Variants in PDE1A observed in about 807,000 individuals in gnomAD.
PDE1A encodes phosphodiesterase 1A.
In PDE1A, 35 loss-of-function variants were observed where a neutral mutation model predicts 61.7. The observed-to-expected ratio is 0.57, with a 90% CI of 0.43 to 0.75. The LOEUF is 0.75. Ranked by LOEUF, PDE1A falls within the 30% of genes least tolerant of loss-of-function variation. The probability of loss-of-function intolerance (pLI) is 0.00; values close to 1 mark genes in which losing one functional copy is unlikely to be tolerated. For missense variants in PDE1A, 597 were observed against 630.6 expected (o/e 0.95, Z 0.57); for synonymous variants, 232 against 213.2 (o/e 1.09, Z -0.77).
chr2:182,220,633 G>A (rs558861657), intron 7 of PDE1A, among the ~76,000 whole-genome samples: 24 of 152,132 alleles, frequency 1.6e-4, no homozygotes, highest in African/African-American at 5.8e-4. Context: ...TTTTCACAAA[G>A]AGGAAATTAT....
At chr2:182,365,420 C>G (rs979193532) in intron 1 of PDE1A, among the ~76,000 whole-genome samples, 1 of 151,868 alleles carries the variant, frequency 6.6e-6, no homozygotes, top group Non-Finnish European at 1.5e-5. Context: ...AATTTTGAAC[C>G]CTATACACTT....
the PDE1A span, among the ~76,000 whole-genome samples, chr2:182,582,010 C>T: frequency 3.3e-5 from 5 of 152,202 alleles, no homozygotes; most frequent in Non-Finnish European, 5.9e-5. Context: ...TACTGAATCA[C>T]ATACCAAAGC....
intron 2 of PDE1A, among the ~76,000 whole-genome samples, chr2:182,474,052 A>T (rs1687205217): frequency 6.6e-6 from 1 of 152,000 alleles, no homozygotes; most frequent in South Asian, 2.1e-4. Flanking sequence ...TAAGTCTTTG[A>T]GGTATCACCA....
intron 7 of PDE1A, 47 bp from the exon 8 acceptor site, chr2:182,206,112 CA>C (rs756599458): frequency 1.2e-4 from 183 of 1,505,598 alleles, no homozygotes; most frequent in Admixed American, 5.0e-4. Flanking sequence ...CTTTAGACAT[CA>C]TGAATGTCTA....
chr2:182,522,774 C>T (rs777380794), upstream of PDE1A: 16 of 604,868 alleles, frequency 2.6e-5, no homozygotes, highest in South Asian at 1.5e-4. Flanking sequence ...ACAAGAGAAA[C>T]GTGAATGACT....
the PDE1A span, among the ~76,000 whole-genome samples, chr2:182,709,446 T>A: frequency 2.6e-5 from 4 of 152,184 alleles, no homozygotes; most frequent in Non-Finnish European, 4.4e-5. Context: ...CTGTTCTAGC[T>A]AGGCATTGAA....
intron 2 of PDE1A, among the ~76,000 whole-genome samples, chr2:182,510,775 T>C (rs1226312471): frequency 1.3e-5 from 2 of 152,198 alleles, no homozygotes; most frequent in Non-Finnish European, 2.9e-5. Context: ...AATTCTTCTA[T>C]CAGTGAAACT....
the PDE1A span, among the ~76,000 whole-genome samples, chr2:182,658,067 A>C: frequency 1.9e-5 from 2 of 107,950 alleles, no homozygotes; most frequent in African/African-American, 6.7e-5. Flanking sequence ...AAAAAAAAAA[A>C]AAAAACAAAA....
intron 13 of PDE1A, among the ~76,000 whole-genome samples, chr2:182,173,794 T>C (rs1005281516): frequency 2.6e-5 from 4 of 152,026 alleles, no homozygotes; most frequent in Non-Finnish European, 5.9e-5. Flanking sequence ...GAAGTTATAA[T>C]GTAAAGTGAA....
At chr2:182,689,138 G>A in the PDE1A span, among the ~76,000 whole-genome samples, 2 of 152,120 alleles carry the variant, frequency 1.3e-5, no homozygotes, top group African/African-American at 2.4e-5. Context: ...AAGTTAACAA[G>A]GATATCCAGG....
At chr2:182,472,230 A>G (rs1484533766) in intron 2 of PDE1A, among the ~76,000 whole-genome samples, 1 of 151,940 alleles carries the variant, frequency 6.6e-6, no homozygotes, top group Admixed American at 6.6e-5. Context: ...GAAAAGAAAA[A>G]TCATTATATC....
At chr2:182,643,297 G>T in the PDE1A span, among the ~76,000 whole-genome samples, 1 of 152,180 alleles carries the variant, frequency 6.6e-6, no homozygotes, top group Non-Finnish European at 1.5e-5. Flanking sequence ...AATTAGTGCT[G>T]AGAGGTTAAT....
At chr2:182,322,686 C>T (rs751544860) in intron 1 of PDE1A, among the ~76,000 whole-genome samples, 3 of 152,046 alleles carry the variant, frequency 2.0e-5, no homozygotes, top group Non-Finnish European at 4.4e-5. Flanking sequence ...TGTGATTCAC[C>T]AATAGTTTTT....
At chr2:182,318,591 C>G (rs1275237867) in intron 1 of PDE1A, among the ~76,000 whole-genome samples, 1 of 152,158 alleles carries the variant, frequency 6.6e-6, no homozygotes, top group Non-Finnish European at 1.5e-5. Context: ...TTCACACTCT[C>G]CCTGGAGCTC....
At chr2:182,466,360 C>T (rs1686665029) in intron 2 of PDE1A, among the ~76,000 whole-genome samples, 1 of 151,962 alleles carries the variant, frequency 6.6e-6, no homozygotes, top group Non-Finnish European at 1.5e-5. Context: ...AAAAACCCTA[C>T]ATTTGTCTTC....
upstream of PDE1A, among the ~76,000 whole-genome samples, chr2:182,428,201 A>G (rs1703734796): frequency 6.6e-6 from 1 of 152,182 alleles, no homozygotes; most frequent in Admixed American, 6.5e-5. Flanking sequence ...ATGCCGGGCC[A>G]CTGTGGGCAA....
At chr2:182,451,378 C>CAAAAAAAAAAAAAAAAAA (rs1219608685) in intron 2 of PDE1A, among the ~76,000 whole-genome samples, 12 of 12,294 alleles carry the variant, frequency 9.8e-4, no homozygotes, top group African/African-American at 3.3e-3. Context: ...GACTCCGTCT[C>CAAAAAAAAAAAAAAAAAA]AAAAAAAAAA....
Position 182,201,158 on chromosome 2 carries a change from G to A in PDE1A, c.1125+281C>T, listed in dbSNP as rs189848268. Among the ~76,000 whole-genome samples, 8 of 152,188 alleles carry A rather than the reference G, an allele frequency of 5.3e-5. No homozygotes were observed. In the East Asian group the frequency reaches 5.8e-4, roughly 11 times the overall value. On this transcript the variant is annotated intron_variant, in intron 10 of 13. Transcript: ENST00000351439. ...TTGCTGTCTCTGCTGTGGCACTTAC[G>A]TCTTAACAGCAGATAACAATTCTTA...
chr2:182,615,758 G>C, the PDE1A span, among the ~76,000 whole-genome samples: 1 of 152,138 alleles, frequency 6.6e-6, no homozygotes, highest in African/African-American at 2.4e-5. Flanking sequence ...GGGCAAGAGA[G>C]CATGCATGTG....
Sources: gnomAD v4.1 joint callset for allele counts (sites outside exome capture counted in the v4.1 genomes callset) on GRCh38, gnomAD v4.1.1 for gene constraint, MANE v1.5 for transcripts, NCBI Gene and HGNC (gene_info 2026-07-23, HGNC 2026-07-21) for gene names.